ITGAX: variants seen among roughly 807,000 people sequenced by gnomAD.
The protein encoded by ITGAX is integrin subunit alpha X, also known as integrin alpha-X.
Under a neutral mutation model 140.2 loss-of-function variants are expected in ITGAX, and 99 were observed. The ratio of observed to expected loss-of-function variants is 0.71; its 90% confidence interval spans 0.60 to 0.83. The LOEUF is 0.83. ITGAX is among the 40% of genes least tolerant of loss of function. ITGAX has a pLI of 0.00. For synonymous variants in ITGAX, 631 were observed against 600.4 expected (o/e 1.05, Z -0.75); for missense variants, 1,444 against 1,482.0 (o/e 0.97, Z 0.42).
chr16:31,376,755 C>T, intron 20 of ITGAX, 44 bp from the exon 21 acceptor site: 1 of 1,582,594 alleles, frequency 6.3e-7, no homozygotes, highest in Non-Finnish European at 8.7e-7. Context: ...TTTGCCATTG[C>T]TTTCAATTTC....
rs761950784 is a variant in ITGAX, at chr16:31,357,373, C to T, written c.430+9C>T. The T allele has an allele frequency of 1.5e-5, 23 of 1,573,574 alleles. No homozygotes were observed. Among genetic ancestry groups the T allele is most frequent in the Admixed American group, 8.8e-5 (5 of 56,600 alleles). Reference sequence around the variant, plus strand: ...CCCGGTGTCCAGGCAGGGTGAGTGTCGGGACCACCAAGGCTTTGAGGAGCT... The same window carrying T: ...CCCGGTGTCCAGGCAGGGTGAGTGTTGGGACCACCAAGGCTTTGAGGAGCT... On this transcript the variant is annotated intron_variant, in intron 5 of 29. Coordinates refer to ENST00000268296, the MANE Select transcript of ITGAX (RefSeq NM_000887.5).
At chr16:31,380,225 C>T in intron 26 of ITGAX, 41 bp from the exon 27 acceptor site, 1 of 1,596,374 alleles carries the variant, frequency 6.3e-7, no homozygotes, top group Non-Finnish European at 8.6e-7. Context: ...CCCACCTTCA[C>T]ACTCATCTTT....
intron 19 of ITGAX, 43 bp downstream of exon 19, chr16:31,372,713 C>T: frequency 3.8e-6 from 6 of 1,571,960 alleles, no homozygotes; most frequent in Non-Finnish European, 5.2e-6. Context: ...CCCCAGCCTC[C>T]TTCCTGGAAT....
rs113660863 is a variant in ITGAX, at chr16:31,357,815, G to A, written c.430+451G>A. 580 of 368,284 alleles carry A rather than the reference G, an allele frequency of 1.6e-3. 2 individuals are homozygous for A. The highest frequency in any genetic ancestry group is 0.011 in the African/African-American group (507 of 47,562). 22.8% of individuals were successfully genotyped at this position (368,284 alleles called of 1,614,324 possible). ...TCAGTGAAAGTGCAGTGTGAGCAAC[G>A]TGTGTGTGTGTACATGTGTGTATAT... On this transcript the variant is annotated intron_variant, in intron 5 of 29. Transcript: ENST00000268296.
At chr16:31,376,748 G>A in intron 20 of ITGAX, 51 bp from the exon 21 acceptor site, 1 of 1,555,176 alleles carries the variant, frequency 6.4e-7, no homozygotes. Context: ...TTGGGTTTTT[G>A]CCATTGCTTT....
intron 2 of ITGAX, chr16:31,356,414 G>C (rs2080760556): frequency 1.9e-6 from 1 of 515,152 alleles, no homozygotes; most frequent in African/African-American, 1.9e-5. Context: ...CCAGGTGTGA[G>C]CCACCACACC....
chr16:31,359,857 T>TG, intron 6 of ITGAX, 27 bp downstream of exon 6: 1 of 1,613,952 alleles, frequency 6.2e-7, no homozygotes, highest in Non-Finnish European at 8.5e-7. Flanking sequence ...GGGAGGCTGC[T>TG]GGGGGTGGGT....
intron 14 of ITGAX, among the ~76,000 whole-genome samples, chr16:31,369,213 C>T (rs1252276247): frequency 8.7e-5 from 13 of 149,616 alleles, no homozygotes; most frequent in Admixed American, 2.0e-4. Flanking sequence ...ACCTCCCGGA[C>T]GGGGCGGCTG....
chr16:31,380,410 C>T, intron 27 of ITGAX, 31 bp downstream of exon 27: 1 of 1,612,104 alleles, frequency 6.2e-7, no homozygotes, highest in South Asian at 1.1e-5. Flanking sequence ...AGCCCCTGCC[C>T]CAGACTCAGG....
At chr16:31,369,477 GA>G (rs2080933414) in intron 14 of ITGAX, among the ~76,000 whole-genome samples, 1 of 152,236 alleles carries the variant, frequency 6.6e-6, no homozygotes, top group South Asian at 2.1e-4. Context: ...ATGAAAGGAA[GA>G]GTCCATCCAG....
chr16:31,361,577 C>T (rs1597065943), intron 9 of ITGAX: 4 of 709,994 alleles, frequency 5.6e-6, no homozygotes, highest in Non-Finnish European at 9.9e-6. Flanking sequence ...ACACGGACAC[C>T]TGGCCCCCTC....
intron 14 of ITGAX, 85 bp from the exon 15 acceptor site, chr16:31,370,999 T>G (rs757200617): frequency 1.2e-5 from 18 of 1,563,862 alleles, no homozygotes; most frequent in Admixed American, 1.7e-5. Context: ...TTTCCGATGG[T>G]CCTACCTCCA....
intron 8 of ITGAX, 91 bp from the exon 9 acceptor site, chr16:31,360,972 A>T: frequency 7.9e-7 from 1 of 1,258,040 alleles, no homozygotes; most frequent in Non-Finnish European, 1.1e-6. Flanking sequence ...GATCATGTTG[A>T]TCTTGTGGGG....
intron 14 of ITGAX, among the ~76,000 whole-genome samples, chr16:31,369,389 C>T (rs1383482910): frequency 3.3e-5 from 5 of 152,252 alleles, no homozygotes; most frequent in East Asian, 3.9e-4. Flanking sequence ...CCTCACCTCC[C>T]GGACGACTCC....
At chr16:31,362,796 A>G (rs1441333460) in intron 12 of ITGAX, 43 bp downstream of exon 12, 2 of 1,607,892 alleles carry the variant, frequency 1.2e-6, no homozygotes, top group East Asian at 2.2e-5. Context: ...AGGGTAGGGG[A>G]GGTGGCTGGG....
chr16:31,377,048 G>C lies in ITGAX; in HGVS notation c.2674G>C (p.Asp892His). 6.2e-7 allele frequency: 1 copy of C among 1,614,214 alleles called. No individual in the cohort carries two copies. Among genetic ancestry groups the C allele is most frequent in the Non-Finnish European group, 8.5e-7 (1 of 1,180,044 alleles). The change falls in exon 22 of 30, where the codon GAC (aspartate) becomes CAC (histidine). Residue 892 changes from aspartate to histidine, a missense_variant. Physicochemically the swap from Asp to His is moderately conservative, Grantham distance 81 (BLOSUM62 -1). Transcript: ENST00000268296. ...FDVSPKAVLGDRLLLTANVSS... is the reference protein window; with the variant it reads ...FDVSPKAVLGHRLLLTANVSS... ...CGTCTCCCCCAAGGCTGTCCTGGGAGACCGGCTGCTTCTGACAGCCAATGT... is the reference window on the plus strand; with the variant it reads ...CGTCTCCCCCAAGGCTGTCCTGGGACACCGGCTGCTTCTGACAGCCAATGT...
In ITGAX at chr16:31,356,686, T is replaced by A; in HGVS notation, c.205T>A (p.Cys69Ser). 6.3e-7 allele frequency: 1 copy of A among 1,599,730 alleles called. No individual in the cohort carries two copies. Among genetic ancestry groups the A allele is most frequent in the Non-Finnish European group, 8.5e-7 (1 of 1,174,404 alleles). The change falls in exon 3 of 30, where the codon TGT becomes AGT. Residue 69 changes from cysteine to serine, a missense_variant. By Grantham distance (112) the Cys-to-Ser change is moderately radical. Transcript: ENST00000268296. ...CAACCAAACGGGTGGCCTCTACCAG[T>A]GTGGCTACAGCACTGGTGCCTGTGA... ...AANQTGGLYQ[C>S]GYSTGACEPI...
chr16:31,364,309 T>A (rs979604140), intron 14 of ITGAX, among the ~76,000 whole-genome samples: 1 of 150,582 alleles, frequency 6.6e-6, no homozygotes, highest in Non-Finnish European at 1.5e-5. Context: ...GTAACTGTAG[T>A]CCCAATTACT....
chr16:31,381,293 G>T (rs1040466021), intron 29 of ITGAX, among the ~76,000 whole-genome samples: 2 of 152,092 alleles, frequency 1.3e-5, no homozygotes, highest in Non-Finnish European at 2.9e-5. Context: ...TTTGAATGTC[G>T]ACATCACCAC....
Sources: allele counts gnomAD v4.1 joint callset (sites outside exome capture counted in the v4.1 genomes callset), GRCh38; gene constraint gnomAD v4.1.1; transcripts MANE v1.5; gene names NCBI Gene and HGNC (gene_info 2026-07-23, HGNC 2026-07-21).